The following RGS5 variants were observed in gnomAD, a reference collection of about 807,000 sequenced individuals.
RGS5 encodes the protein regulator of G-protein signalling 5.
A neutral mutation model predicts 18.9 loss-of-function variants in RGS5; 20 were observed. The ratio of observed to expected loss-of-function variants is 1.06; its 90% CI spans 0.74 to 1.54. RGS5 has a LOEUF of 1.54. RGS5 is among the 40% of genes most tolerant of loss of function. RGS5 has a pLI of 0.00. For synonymous variants in RGS5, 57 were observed against 76.2 expected (o/e 0.75, Z 1.31); for missense variants, 201 against 211.8 (o/e 0.95, Z 0.32).
intron 1 of RGS5, among the ~76,000 whole-genome samples, chr1:163,183,508 G>T (rs918211889): frequency 6.6e-6 from 1 of 152,196 alleles, no homozygotes; most frequent in African/African-American, 2.4e-5. Context: ...GGCAGAAAGA[G>T]CCCTTGGTTT....
At chr1:163,291,356 C>A (rs1482959084) in intron 2 of RGS5, among the ~76,000 whole-genome samples, 1 of 152,102 alleles carries the variant, frequency 6.6e-6, no homozygotes, top group East Asian at 1.9e-4. Context: ...GGGTTTATGG[C>A]AAGCTAACTT....
intron 2 of RGS5, among the ~76,000 whole-genome samples, chr1:163,302,911 T>C (rs111237501): frequency 0.014 from 2,080 of 152,302 alleles, 30 homozygotes; most frequent in Admixed American, 0.037. Flanking sequence ...TCTTAGTATA[T>C]TTCTCATGAA....
intron 1 of RGS5, among the ~76,000 whole-genome samples, chr1:163,190,713 A>G (rs2101646742): frequency 6.6e-6 from 1 of 152,350 alleles, no homozygotes; most frequent in African/African-American, 2.4e-5. Flanking sequence ...AGATAAAAAC[A>G]GGTGAGCCCA....
At chr1:163,227,391 G>C (rs1204775314) in intron 2 of RGS5, among the ~76,000 whole-genome samples, 1 of 152,156 alleles carries the variant, frequency 6.6e-6, no homozygotes, top group Non-Finnish European at 1.5e-5. Context: ...ATGAGTGCAA[G>C]GCAGGGATTG....
rs139363391 is a variant in RGS5, at chr1:163,173,605, C to T, written c.45-5237G>A. Among the ~76,000 whole-genome samples the T allele has an allele frequency of 9.0e-3, 1,374 of 152,252 alleles. 5 individuals carry two copies. Among genetic ancestry groups the T allele is most frequent in the Non-Finnish European group, 0.016 (1,063 of 68,010 alleles). ...AAATTTTGAGAAATACAATTATATT[C>T]CACCAGAATGTGTGAAGAACCAATT... On this transcript the variant is annotated intron_variant, in intron 1 of 4. Transcript: ENST00000313961.
At chr1:163,241,004 T>G (rs1002539118) in intron 2 of RGS5, among the ~76,000 whole-genome samples, 1 of 152,210 alleles carries the variant, frequency 6.6e-6, no homozygotes, top group Non-Finnish European at 1.5e-5. Context: ...CCTGAAACAC[T>G]CTTGCCAAGA....
intron 1 of RGS5, among the ~76,000 whole-genome samples, chr1:163,186,578 C>CAAAAAAAAAAAAA (rs34092786): frequency 8.3e-5 from 8 of 95,918 alleles, no homozygotes; most frequent in South Asian, 3.7e-4. Context: ...GACTCTGTCT[C>CAAAAAAAAAAAAA]AAAAAAAAAA....
chr1:163,293,935 T>G (rs1379865764), intron 2 of RGS5, among the ~76,000 whole-genome samples: 1 of 152,196 alleles, frequency 6.6e-6, no homozygotes, highest in African/African-American at 2.4e-5. Flanking sequence ...GCTCCATGTC[T>G]CACATCCAGG....
At chr1:163,164,002 A>C (rs536167200) in intron 2 of RGS5, among the ~76,000 whole-genome samples, 1 of 152,338 alleles carries the variant, frequency 6.6e-6, no homozygotes, top group East Asian at 1.9e-4. Flanking sequence ...AACCAGGCTA[A>C]TGGTCAATAA....
At chr1:163,185,846 C>T (rs770004080) in intron 1 of RGS5, among the ~76,000 whole-genome samples, 9 of 152,038 alleles carry the variant, frequency 5.9e-5, no homozygotes, top group Non-Finnish European at 1.2e-4. Context: ...TTACTGTGAC[C>T]CCGTGACCTC....
At chr1:163,270,774 A>C (rs1041129851) in intron 2 of RGS5, among the ~76,000 whole-genome samples, 1 of 152,132 alleles carries the variant, frequency 6.6e-6, no homozygotes, top group Admixed American at 6.6e-5. Context: ...TCCTCTAGGG[A>C]GTTAGGCATC....
At chr1:163,207,472 T>A (rs1659978577), upstream of RGS5, among the ~76,000 whole-genome samples, 1 of 152,134 alleles carries the variant, frequency 6.6e-6, no homozygotes, top group Non-Finnish European at 1.5e-5. Flanking sequence ...AGAGCCTCAT[T>A]TTCCCAAATA....
At chr1:163,169,764 C>T (rs1658217848) in intron 1 of RGS5, among the ~76,000 whole-genome samples, 1 of 151,994 alleles carries the variant, frequency 6.6e-6, no homozygotes, top group South Asian at 2.1e-4. Flanking sequence ...GAGCTATTTC[C>T]AGCTATAAAA....
In RGS5 at chr1:163,145,061, T is replaced by G. The variant is rs1402898769; in HGVS notation, c.*2281A>C. The G allele has an allele frequency of 6.6e-6, 1 of 152,138 alleles. No homozygotes were observed. Among genetic ancestry groups the G allele is most frequent in the Non-Finnish European group, 1.5e-5 (1 of 68,000 alleles). 9.4% of individuals were successfully genotyped at this position (152,138 alleles called of 1,614,324 possible). A position where few individuals can be genotyped will look rare whatever the true frequency, so the allele number is the denominator to read the frequency against. ...TTCCTTCTTCCATTCTTTTTATATC[T>G]CCACAGAACTGCTCTCATGGGACCC... On this transcript the variant is annotated 3_prime_UTR_variant, in exon 5 of 5. Coordinates refer to ENST00000313961, the MANE Select transcript of RGS5 (RefSeq NM_003617.4).
intron 2 of RGS5, among the ~76,000 whole-genome samples, chr1:163,226,472 C>T (rs1476226006): frequency 6.6e-6 from 1 of 152,114 alleles, no homozygotes; most frequent in African/African-American, 2.4e-5. Flanking sequence ...GGAGGAAGCA[C>T]TGCTCAACTG....
intron 1 of RGS5, among the ~76,000 whole-genome samples, chr1:163,199,727 C>T (rs1659703457): frequency 6.6e-6 from 1 of 152,124 alleles, no homozygotes; most frequent in Non-Finnish European, 1.5e-5. Context: ...CCAGTGGTTT[C>T]AGCACAGGGC....
intron 3 of RGS5, among the ~76,000 whole-genome samples, chr1:163,152,954 C>T (rs1213629135): frequency 9.0e-6 from 1 of 111,460 alleles, no homozygotes; most frequent in African/African-American, 2.6e-5. Flanking sequence ...CTGTATGGAA[C>T]TCTAGAACTA....
At chr1:163,180,717 C>A (rs536314307) in intron 1 of RGS5, among the ~76,000 whole-genome samples, 4 of 29,938 alleles carry the variant, frequency 1.3e-4, no homozygotes, top group Non-Finnish European at 2.0e-4. Context: ...TTTTTTGAGA[C>A]GGAGTCTCGC....
At chr1:163,220,218 A>G (rs114089918), upstream of RGS5, among the ~76,000 whole-genome samples, 1,230 of 152,220 alleles carry the variant, frequency 8.1e-3, 5 homozygotes, top group Non-Finnish European at 0.014. Context: ...AAATTGTTCA[A>G]TTATTCTCTA....
Sources: allele counts gnomAD v4.1 joint callset (sites outside exome capture counted in the v4.1 genomes callset), GRCh38; gene constraint gnomAD v4.1.1; transcripts MANE v1.5; gene names NCBI Gene and HGNC (gene_info 2026-07-23, HGNC 2026-07-21).